Variants in KLHL18 observed in about 807,000 individuals in gnomAD.
KLHL18 encodes the protein kelch-like protein 18.
In KLHL18, 38 loss-of-function variants were observed where a neutral mutation model predicts 58.5. The observed-to-expected ratio is 0.65, with a 90% CI of 0.50 to 0.85. The LOEUF (loss-of-function observed/expected upper bound fraction) is 0.85, where lower values mean the gene tolerates loss of function less well. KLHL18 is among the 40% of genes least tolerant of loss of function. The probability of loss-of-function intolerance (pLI) is 0.00; values close to 1 mark genes in which losing one functional copy is unlikely to be tolerated. For missense variants in KLHL18, 624 were observed against 778.4 expected, an observed-to-expected ratio of 0.80 and a Z score of 2.36; for synonymous variants, 303 against 301.9, an observed-to-expected ratio of 1.00 and a Z score of -0.04.
chr3:47,287,521 TG>T (rs1702701725), intron 1 of KLHL18: 2 of 152,176 alleles, frequency 1.3e-5, no homozygotes. Flanking sequence ...AGTCTTGCTC[TG>T]TTGTCCAGGC....
In KLHL18 at chr3:47,344,058, C is replaced by T. The variant is rs1242154924; in HGVS notation, c.*117C>T. 26 of 1,348,218 alleles carry T rather than the reference C, an allele frequency of 1.9e-5. No homozygotes were observed. Among genetic ancestry groups the T allele is most frequent in the East Asian group, 2.4e-5 (1 of 42,264 alleles). The allele number at this position is 1,348,218 out of a possible 1,614,324, so 83.5% of individuals were successfully genotyped here. A position where few individuals can be genotyped will look rare whatever the true frequency, so the allele number is the denominator to read the frequency against. On this transcript the variant is annotated 3_prime_UTR_variant, in exon 10 of 10. Coordinates refer to ENST00000232766, the MANE Select transcript of KLHL18 (RefSeq NM_025010.5). ...AAGAGATGGCGAAACGTGAGCTCGC[C>T]GGAGGTACAGTTTTTCCAGGTGCTT...
chr3:47,342,584 C>T, intron 8 of KLHL18, 135 bp from the exon 9 acceptor site: 5 of 680,330 alleles, frequency 7.3e-6, no homozygotes, highest in Non-Finnish European at 1.3e-5. Context: ...GGAGAACTGT[C>T]AGAGAGGTGG....
chr3:47,283,939 C>T (rs1374314190), intron 1 of KLHL18, among the ~76,000 whole-genome samples: 1 of 152,216 alleles, frequency 6.6e-6, no homozygotes, highest in African/African-American at 2.4e-5. Context: ...TGCGTGATCC[C>T]TGTTTAAAAA....
chr3:47,336,278 A>G (rs181126674), intron 6 of KLHL18, among the ~76,000 whole-genome samples: 155 of 152,334 alleles, frequency 1.0e-3, no homozygotes, highest in South Asian at 7.5e-3. Context: ...GGCTTTAAGC[A>G]GGTGGAGTAC....
intron 1 of KLHL18, among the ~76,000 whole-genome samples, chr3:47,301,988 G>GA (rs1436278862): frequency 6.6e-6 from 1 of 152,086 alleles, no homozygotes; most frequent in Non-Finnish European, 1.5e-5. Context: ...TTTTTGTAGA[G>GA]ACGGGATCTT....
At chr3:47,305,334 G>GTTTTTTTTTTTTTTTTT (rs397744565) in intron 1 of KLHL18, among the ~76,000 whole-genome samples, 1 of 70,388 alleles carries the variant, frequency 1.4e-5, no homozygotes, top group Non-Finnish European at 2.7e-5. Context: ...ATTTTGTCAA[G>GTTTTTTTTTTTTTTTTT]TTTTTTTTTT....
At chr3:47,290,678 TC>T (rs1702773959) in intron 1 of KLHL18, among the ~76,000 whole-genome samples, 1 of 152,076 alleles carries the variant, frequency 6.6e-6, no homozygotes, top group South Asian at 2.1e-4. Context: ...TCTAGGCTGG[TC>T]TCAAACTCCT....
At chr3:47,332,303 T>C (rs1314056832) in intron 4 of KLHL18, among the ~76,000 whole-genome samples, 1 of 151,388 alleles carries the variant, frequency 6.6e-6, no homozygotes, top group East Asian at 1.9e-4. Flanking sequence ...TGAGGTGAGC[T>C]GAGATTGCGC....
At chr3:47,300,407 GTGTA>G (rs1200096001) in intron 1 of KLHL18, among the ~76,000 whole-genome samples, 301 of 18,968 alleles carry the variant, frequency 0.016, 2 homozygotes, top group African/African-American at 0.02. Context: ...GTGTGTGTGT[GTGTA>G]TATATATATA....
At chr3:47,292,643 T>C (rs1413862851) in intron 1 of KLHL18, among the ~76,000 whole-genome samples, 1 of 150,840 alleles carries the variant, frequency 6.6e-6, no homozygotes, top group South Asian at 2.1e-4. Context: ...CAGTGGCTGA[T>C]GCCTATAATC....
chr3:47,309,988 GA>G (rs1212446341), intron 1 of KLHL18, among the ~76,000 whole-genome samples: 1 of 150,994 alleles, frequency 6.6e-6, no homozygotes, highest in African/African-American at 2.4e-5. Context: ...TGGGGAGAGG[GA>G]GGGGGAGGGG....
Position 47,329,980 on chromosome 3 carries a change from G to A in KLHL18, c.431G>A (p.Arg144His), listed in dbSNP as rs199685416. 9.3e-6 allele frequency: 15 copies of A among 1,613,866 alleles called. No homozygotes were observed. Among genetic ancestry groups the A allele is most frequent in the Non-Finnish European group, 1.2e-5 (14 of 1,180,022 alleles). Residue 144 changes from arginine to histidine, a missense_variant, in exon 4 of 10, where the codon CGC becomes CAC. Coordinates refer to ENST00000232766, the MANE Select transcript of KLHL18 (RefSeq NM_025010.5). Reference sequence around the variant, plus strand: ...CACCCAAAAAACTGCCTGGGTGTGCGCCAGTTTGCTGAGACAATGATGTGT... The same window carrying A: ...CACCCAAAAAACTGCCTGGGTGTGCACCAGTTTGCTGAGACAATGATGTGT... ...RLHPKNCLGV[R>H]QFAETMMCAV...
At chr3:47,343,430 T>C in intron 9 of KLHL18, 125 bp from the exon 10 acceptor site, 1 of 1,133,584 alleles carries the variant, frequency 8.8e-7, no homozygotes, top group Non-Finnish European at 1.3e-6. Flanking sequence ...CTGGGAGAGC[T>C]CCTTGTCCCC....
At chr3:47,314,905 A>G (rs955521515) in intron 1 of KLHL18, among the ~76,000 whole-genome samples, 1 of 152,110 alleles carries the variant, frequency 6.6e-6, no homozygotes, top group African/African-American at 2.4e-5. Flanking sequence ...ATATCCCAAG[A>G]TAGGCCTATC....
At chr3:47,312,240 A>C (rs1703318718) in intron 1 of KLHL18, among the ~76,000 whole-genome samples, 1 of 152,150 alleles carries the variant, frequency 6.6e-6, no homozygotes, top group Admixed American at 6.6e-5. Context: ...GGGTATAGCT[A>C]TTTTAGTGTA....
At chr3:47,300,309 A>ATATATATATATG (rs1244173185) in intron 1 of KLHL18, among the ~76,000 whole-genome samples, 31 of 144,406 alleles carry the variant, frequency 2.1e-4, no homozygotes, top group South Asian at 4.3e-4. Flanking sequence ...ATATATATAT[A>ATATATATATATG]TGTGTGTATA....
rs1377557056 is a variant in KLHL18, at chr3:47,344,056, G to A, written c.*115G>A. On this transcript the variant is annotated 3_prime_UTR_variant, in exon 10 of 10. Coordinates refer to ENST00000232766, the MANE Select transcript of KLHL18 (RefSeq NM_025010.5). ...AGAAGAGATGGCGAAACGTGAGCTC[G>A]CCGGAGGTACAGTTTTTCCAGGTGC... 5.1e-6 allele frequency: 7 copies of A among 1,360,178 alleles called. No individual in the cohort carries two copies. The highest frequency in any genetic ancestry group is 2.6e-4 in the Middle Eastern group (1 of 3,886). 84.3% of individuals were successfully genotyped at this position (1,360,178 alleles called of 1,614,324 possible).
intron 1 of KLHL18, among the ~76,000 whole-genome samples, chr3:47,315,793 T>G (rs1703407393): frequency 6.6e-6 from 1 of 151,798 alleles, no homozygotes. Flanking sequence ...AGCAGAGAGA[T>G]AAAGAAGAAA....
chr3:47,287,823 C>A (rs1702708922), intron 1 of KLHL18, among the ~76,000 whole-genome samples: 1 of 152,048 alleles, frequency 6.6e-6, no homozygotes, highest in Non-Finnish European at 1.5e-5. Context: ...AATGGAGTTT[C>A]TAGAAGGAGT....
Sources: allele counts gnomAD v4.1 joint callset (sites outside exome capture counted in the v4.1 genomes callset), GRCh38; gene constraint gnomAD v4.1.1; transcripts MANE v1.5; gene names NCBI Gene and HGNC (gene_info 2026-07-23, HGNC 2026-07-21).